Variants in PIAS2 observed in about 807,000 individuals in gnomAD.
PIAS2 encodes E3 SUMO-protein ligase PIAS2.
A neutral mutation model predicts 69.7 loss-of-function variants in PIAS2; 19 were observed. The ratio of observed to expected loss-of-function variants is 0.27; its 90% CI spans 0.19 to 0.40. The LOEUF (loss-of-function observed/expected upper bound fraction) is 0.40, where lower values mean the gene tolerates loss of function less well. Ranked by LOEUF, PIAS2 falls within the 10% of genes least tolerant of loss-of-function variation. PIAS2 has a pLI of 1.00. For missense variants in PIAS2, 624 were observed against 757.0 expected, an observed-to-expected ratio of 0.82 and a Z score of 2.06; for synonymous variants, 261 against 263.2, an observed-to-expected ratio of 0.99 and a Z score of 0.08.
chr18:46,847,849 C>G (rs1236774232), intron 5 of PIAS2, among the ~76,000 whole-genome samples: 1 of 152,110 alleles, frequency 6.6e-6, no homozygotes, highest in East Asian at 1.9e-4. Flanking sequence ...CCAATTACCG[C>G]AAGACTTCAC....
At chr18:46,836,322 T>C in intron 9 of PIAS2, 35 bp downstream of exon 9, 1 of 1,542,786 alleles carries the variant, frequency 6.5e-7, no homozygotes, top group Non-Finnish European at 9.0e-7. Flanking sequence ...GCTGTTGTAT[T>C]AGTCCATATC....
intron 13 of PIAS2, among the ~76,000 whole-genome samples, chr18:46,813,372 A>T (rs1017263224): frequency 4.6e-5 from 7 of 152,190 alleles, no homozygotes; most frequent in Non-Finnish European, 5.9e-5. Flanking sequence ...GATCCCAAAC[A>T]AGTACAAACC....
At chr18:46,875,833 G>A (rs2051092832) in intron 2 of PIAS2, among the ~76,000 whole-genome samples, 1 of 152,212 alleles carries the variant, frequency 6.6e-6, no homozygotes, top group Non-Finnish European at 1.5e-5. Flanking sequence ...CACTCAGATG[G>A]TCCTCCAGCC....
At chr18:46,817,035 TAAA>T (rs1419913095) in intron 12 of PIAS2, 1 of 937,760 alleles carries the variant, frequency 1.1e-6, no homozygotes, top group Non-Finnish European at 1.3e-6. Context: ...TATTATTAAG[TAAA>T]AAAAGTTTAT....
Position 46,816,849 on chromosome 18 carries a change from C to T in PIAS2, c.1649-1500G>A, listed in dbSNP as rs980820436. The T allele has an allele frequency of 1.3e-5, 13 of 981,974 alleles. No individual in the cohort carries two copies. In the African/African-American group the frequency reaches 2.1e-4, roughly 16 times the overall value. 60.8% of individuals were successfully genotyped at this position (981,974 alleles called of 1,614,324 possible). ...GCCAATACTAAACCAAAGAGAATTA[C>T]AACAAACTTTTCCAATGACTTCTCT... On this transcript the variant is annotated intron_variant, in intron 12 of 13. Coordinates refer to ENST00000585916, the MANE Select transcript of PIAS2 (RefSeq NM_004671.5).
intron 8 of PIAS2, 162 bp downstream of exon 8, chr18:46,843,892 A>C (rs1224317564): frequency 2.1e-6 from 1 of 477,020 alleles, no homozygotes; most frequent in Non-Finnish European, 3.8e-6. Context: ...ATGCCCAAAT[A>C]ATACAAAGAA....
chr18:46,918,223 T>C (rs377506034), upstream of PIAS2, among the ~76,000 whole-genome samples: 19 of 152,148 alleles, frequency 1.2e-4, no homozygotes, highest in East Asian at 2.9e-3. Flanking sequence ...TGTGCTGATA[T>C]AGGATGAAGG....
intron 3 of PIAS2, among the ~76,000 whole-genome samples, chr18:46,858,366 T>C (rs758371159): frequency 1.3e-5 from 2 of 152,164 alleles, no homozygotes; most frequent in African/African-American, 2.4e-5. Flanking sequence ...GTAGGAGCTT[T>C]CTAATGGAAA....
intron 1 of PIAS2, chr18:46,916,850 C>G: frequency 1.0e-6 from 1 of 985,422 alleles, no homozygotes; most frequent in Non-Finnish European, 1.2e-6. Flanking sequence ...GTAGCATCAG[C>G]CATAAGAAGA....
intron 2 of PIAS2, among the ~76,000 whole-genome samples, chr18:46,870,097 A>G (rs886161351): frequency 3.3e-5 from 5 of 151,894 alleles, no homozygotes; most frequent in Admixed American, 6.6e-5. Context: ...GCCTGCCCCA[A>G]TGCCCCGTGC....
intron 8 of PIAS2, among the ~76,000 whole-genome samples, chr18:46,838,165 T>C (rs2044735220): frequency 6.6e-6 from 1 of 152,220 alleles, no homozygotes; most frequent in Non-Finnish European, 1.5e-5. Context: ...CCTGGTAATG[T>C]GGTAATTTAA....
chr18:46,905,297 G>A (rs1157228513), intron 1 of PIAS2, among the ~76,000 whole-genome samples: 3 of 151,946 alleles, frequency 2.0e-5, no homozygotes, highest in Non-Finnish European at 4.4e-5. Context: ...ATTCACAACG[G>A]AAAATAGAAA....
intron 2 of PIAS2, among the ~76,000 whole-genome samples, 173 bp from the exon 3 acceptor site, chr18:46,864,421 A>C (rs2049118492): frequency 6.6e-6 from 1 of 152,168 alleles, no homozygotes; most frequent in African/African-American, 2.4e-5. Context: ...ATCATGAGTA[A>C]AGTCACTACA....
upstream of PIAS2, chr18:46,920,108 C>G (rs568303980): frequency 3.5e-4 from 457 of 1,289,240 alleles, 1 homozygote; most frequent in Middle Eastern, 3.0e-3. Flanking sequence ...GCCCCTTCCT[C>G]AATGTGTAGC....
chr18:46,837,321 T>C (rs965081767), intron 8 of PIAS2, among the ~76,000 whole-genome samples: 1 of 152,094 alleles, frequency 6.6e-6, no homozygotes, highest in Non-Finnish European at 1.5e-5. Flanking sequence ...AAATATCCCA[T>C]TACAGTTGTG....
At chr18:46,873,457 G>A (rs1488430780) in intron 2 of PIAS2, among the ~76,000 whole-genome samples, 1 of 152,152 alleles carries the variant, frequency 6.6e-6, no homozygotes, top group Non-Finnish European at 1.5e-5. Flanking sequence ...AGGAGTAATG[G>A]GTATTCGGTG....
At position 46,864,026 on chromosome 18, in the gene PIAS2, C is replaced by G. The variant is rs1296820086; in HGVS notation, c.584+138G>C. ...AAATCAAACCTGCCAAAACCTTGAT[C>G]TTGGACAGAAGCCTCCAGCATTTTG... is the stretch of plus-strand genomic sequence containing the variant. On this transcript the variant is annotated intron_variant, in intron 3 of 13. Transcript: ENST00000585916. 4 of 535,770 alleles carry G rather than the reference C, an allele frequency of 7.5e-6. No individual in the cohort carries two copies. In the African/African-American group the frequency reaches 7.8e-5, roughly 11 times the overall value. 33.2% of individuals were successfully genotyped at this position (535,770 alleles called of 1,614,324 possible). A position where few individuals can be genotyped will look rare whatever the true frequency, so the allele number is the denominator to read the frequency against.
In PIAS2 at chr18:46,821,215, C is replaced by G. The variant is rs2144804587; in HGVS notation, c.1509-143G>C. 3 of 694,762 alleles carry G rather than the reference C, an allele frequency of 4.3e-6. No homozygotes were observed. The South Asian group carries it at 5.5e-5, about 13-fold the overall frequency. 43.0% of individuals were successfully genotyped at this position (694,762 alleles called of 1,614,324 possible). A position where few individuals can be genotyped will look rare whatever the true frequency, so the allele number is the denominator to read the frequency against. On this transcript the variant is annotated intron_variant, in intron 11 of 13. Transcript: ENST00000585916. ...CAGCTACTCACTACACAGCACTCCA[C>G]TCTACTCTCCTCTCCCATAATAGTC...
At position 46,855,651 on chromosome 18, in the gene PIAS2, A is replaced by G. The variant is rs1468657353; in HGVS notation, c.585-36T>C. ...GAGAAAGAAAATGGGTTAAAAAAGT[A>G]CAATGAGAATTCTCAGAACAGTCTC... On this transcript the variant is annotated intron_variant, in intron 3 of 13. Coordinates refer to ENST00000585916, the MANE Select transcript of PIAS2 (RefSeq NM_004671.5). The G allele has an allele frequency of 6.0e-6, 9 of 1,509,772 alleles. No individual in the cohort carries two copies. The Admixed American group carries it at 8.4e-5, about 14-fold the overall frequency. 93.5% of individuals were successfully genotyped at this position (1,509,772 alleles called of 1,614,324 possible). A position where few individuals can be genotyped will look rare whatever the true frequency, so the allele number is the denominator to read the frequency against.
Sources: gnomAD v4.1 joint callset for allele counts (sites outside exome capture counted in the v4.1 genomes callset) on GRCh38, gnomAD v4.1.1 for gene constraint, MANE v1.5 for transcripts, NCBI Gene and HGNC (gene_info 2026-07-23, HGNC 2026-07-21) for gene names.